DIAPH2: variants seen among roughly 807,000 people sequenced by gnomAD.
The protein encoded by DIAPH2 is protein diaphanous homolog 2.
A neutral mutation model predicts 92.7 loss-of-function variants in DIAPH2; 35 were observed. That is an observed-to-expected ratio of 0.38 (90% confidence interval 0.29 to 0.50). The LOEUF (loss-of-function observed/expected upper bound fraction) is 0.50. DIAPH2 is among the 20% of genes least tolerant of loss of function. The probability of loss-of-function intolerance (pLI) is 0.94; values close to 1 mark genes in which losing one functional copy is unlikely to be tolerated. For missense variants in DIAPH2, 701 were observed against 819.5 expected, an observed-to-expected ratio of 0.86 and a Z score of 1.77; for synonymous variants, 301 against 280.4, an observed-to-expected ratio of 1.07 and a Z score of -0.73.
chrX:97,493,449 C>T (rs780119318), intron 26 of DIAPH2, among the ~76,000 whole-genome samples: 11 of 110,434 alleles, frequency 1.0e-4, no homozygotes, highest in Non-Finnish European at 1.5e-4. Flanking sequence ...TTAGTAGAGA[C>T]GGGGTTTCTC....
At chrX:97,208,445 T>G (rs1257830406) in intron 22 of DIAPH2, among the ~76,000 whole-genome samples, 1 of 112,226 alleles carries the variant, frequency 8.9e-6, no homozygotes, top group African/African-American at 3.2e-5. Flanking sequence ...TGCTTCAAAA[T>G]AGAATTTAAT....
intron 17 of DIAPH2, among the ~76,000 whole-genome samples, chrX:97,026,572 G>T (rs1050530708): frequency 9.0e-5 from 10 of 111,626 alleles, no homozygotes; most frequent in African/African-American, 3.3e-4. Context: ...AGGAATTTTC[G>T]TATTTCTGGA....
At chrX:96,956,459 A>C (rs184722650) in intron 15 of DIAPH2, among the ~76,000 whole-genome samples, 1 of 112,224 alleles carries the variant, frequency 8.9e-6, no homozygotes, top group African/African-American at 3.2e-5. Flanking sequence ...CACCTATGCA[A>C]ATTTCTGCAG....
intron 26 of DIAPH2, among the ~76,000 whole-genome samples, chrX:97,466,213 C>T (rs1421849092): frequency 1.8e-5 from 2 of 112,011 alleles, no homozygotes; most frequent in Non-Finnish European, 3.8e-5. Context: ...GTGAGGCCTA[C>T]TGTAAAGATA....
chrX:97,212,423 A>G (rs2067847709), intron 22 of DIAPH2, among the ~76,000 whole-genome samples: 1 of 111,164 alleles, frequency 9.0e-6, no homozygotes, highest in African/African-American at 3.3e-5. Flanking sequence ...TGTTTTTGGT[A>G]TAATCATAAG....
intron 23 of DIAPH2, among the ~76,000 whole-genome samples, chrX:97,269,193 C>A (rs1464687527): frequency 9.0e-6 from 1 of 111,348 alleles, no homozygotes; most frequent in African/African-American, 3.3e-5. Context: ...GGAGATGTGA[C>A]AAGAGAGAGT....
chrX:97,205,545 G>C (rs1238152977), intron 22 of DIAPH2, among the ~76,000 whole-genome samples: 1 of 111,775 alleles, frequency 8.9e-6, no homozygotes, highest in Non-Finnish European at 1.9e-5. Flanking sequence ...GTGGCCAACA[G>C]ATACATGAAA....
At chrX:97,449,677 T>C (rs956153541) in intron 26 of DIAPH2, 32 of 749,092 alleles carry the variant, frequency 4.3e-5, no homozygotes, top group African/African-American at 4.7e-5. Context: ...TTCATCTGAC[T>C]AAATCTCCAC....
intron 23 of DIAPH2, among the ~76,000 whole-genome samples, chrX:97,281,322 G>T (rs1225356665): frequency 9.0e-6 from 1 of 111,724 alleles, no homozygotes; most frequent in Non-Finnish European, 1.9e-5. Flanking sequence ...AGCTCTTAAT[G>T]ATTGAATAGA....
intron 23 of DIAPH2, among the ~76,000 whole-genome samples, chrX:97,334,993 C>CAAAAAAAAAAA (rs1314227612): frequency 1.2e-3 from 8 of 6,624 alleles, no homozygotes; most frequent in South Asian, 0.03. Context: ...AAAACAAAAA[C>CAAAAAAAAAAA]AAAACAAAAA....
intron 17 of DIAPH2, among the ~76,000 whole-genome samples, chrX:97,061,127 A>C (rs2066594567): frequency 8.9e-6 from 1 of 112,494 alleles, no homozygotes; most frequent in Admixed American, 9.4e-5. Context: ...GTTACATGTT[A>C]AAATCAGGTT....
chrX:96,876,692 T>C (rs1171587704), intron 4 of DIAPH2, among the ~76,000 whole-genome samples: 1 of 105,297 alleles, frequency 9.5e-6, no homozygotes, highest in African/African-American at 3.5e-5. Flanking sequence ...TTCTCACTCA[T>C]AGGTGGGAAT....
At chrX:96,976,445 A>G (rs1298210744) in intron 17 of DIAPH2, among the ~76,000 whole-genome samples, 1 of 111,310 alleles carries the variant, frequency 9.0e-6, no homozygotes, top group African/African-American at 3.3e-5. Flanking sequence ...TTTTAATTAT[A>G]TCTAAAGTTT....
At chrX:97,531,482 T>C (rs1487589484) in intron 26 of DIAPH2, among the ~76,000 whole-genome samples, 1 of 112,052 alleles carries the variant, frequency 8.9e-6, no homozygotes, top group African/African-American at 3.2e-5. Flanking sequence ...ACTAACTTAA[T>C]TTTTACAGAC....
chrX:97,103,104 G>C (rs2066916909), intron 20 of DIAPH2, among the ~76,000 whole-genome samples: 2 of 111,989 alleles, frequency 1.8e-5, no homozygotes, highest in Non-Finnish European at 3.8e-5. Flanking sequence ...GTGTGTATGT[G>C]ATGCTCTACC....
At chrX:97,506,212 C>A (rs1423596988) in intron 26 of DIAPH2, among the ~76,000 whole-genome samples, 1 of 89,483 alleles carries the variant, frequency 1.1e-5, no homozygotes, top group Non-Finnish European at 2.1e-5. Flanking sequence ...TGCAATGGCG[C>A]CATCTTGGCT....
chrX:97,008,761 CT>C (rs1226017197), intron 17 of DIAPH2, among the ~76,000 whole-genome samples: 1 of 111,524 alleles, frequency 9.0e-6, no homozygotes, highest in Admixed American at 9.5e-5. Context: ...GTTCTTCTTC[CT>C]TACTGTCTCC....
At chrX:96,804,468 A>G (rs1217847210) in intron 4 of DIAPH2, among the ~76,000 whole-genome samples, 1 of 112,090 alleles carries the variant, frequency 8.9e-6, no homozygotes, top group Non-Finnish European at 1.9e-5. Context: ...TAAGTAGCAA[A>G]AGATAGAATA....
chrX:97,308,689 C>T (rs1350509210), intron 23 of DIAPH2, among the ~76,000 whole-genome samples: 2 of 94,976 alleles, frequency 2.1e-5, no homozygotes, highest in South Asian at 1.3e-3. Flanking sequence ...GGCATGATCT[C>T]GGCTCACTGC....
Sources: allele counts gnomAD v4.1 joint callset (sites outside exome capture counted in the v4.1 genomes callset), GRCh38; gene constraint gnomAD v4.1.1; transcripts MANE v1.5; gene names NCBI Gene and HGNC (gene_info 2026-07-23, HGNC 2026-07-21).